Variants in SENP1 observed in about 807,000 individuals in gnomAD.
SENP1 encodes SUMO specific peptidase 1, also known as sentrin-specific protease 1.
Under a neutral mutation model 93.0 loss-of-function variants are expected in SENP1, and 21 were observed. That is an observed-to-expected ratio of 0.23 (90% CI 0.16 to 0.33). The LOEUF (loss-of-function observed/expected upper bound fraction) is 0.33, where lower values mean the gene tolerates loss of function less well. Ranked by LOEUF, SENP1 falls within the 10% of genes least tolerant of loss-of-function variation. SENP1 has a pLI of 1.00. For missense variants in SENP1, 591 were observed against 758.7 expected, an observed-to-expected ratio of 0.78 and a Z score of 2.60; for synonymous variants, 256 against 259.6, an observed-to-expected ratio of 0.99 and a Z score of 0.13.
intron 13 of SENP1, 118 bp from the exon 14 acceptor site, chr12:48,049,250 T>C (rs1941607917): frequency 2.7e-6 from 2 of 737,574 alleles, no homozygotes; most frequent in Non-Finnish European, 4.6e-6. Context: ...AATTAAGTCT[T>C]CAACATCCAA....
intron 13 of SENP1, among the ~76,000 whole-genome samples, chr12:48,056,455 A>T (rs1942373016): frequency 9.2e-6 from 1 of 108,462 alleles, no homozygotes; most frequent in Non-Finnish European, 1.7e-5. Context: ...AATATATTAC[A>T]TATTACATAT....
intron 15 of SENP1, 146 bp downstream of exon 15, chr12:48,047,855 T>G: frequency 1.7e-6 from 1 of 603,546 alleles, no homozygotes; most frequent in East Asian, 2.8e-5. Flanking sequence ...AAACTAAACT[T>G]ACTTAGATAC....
chr12:48,058,731 A>G (rs1309697809), intron 13 of SENP1, among the ~76,000 whole-genome samples: 1 of 152,204 alleles, frequency 6.6e-6, no homozygotes, highest in Non-Finnish European at 1.5e-5. Flanking sequence ...TGAAAAAATG[A>G]GAGCAATTCC....
chr12:48,075,429 T>C lies in SENP1; in HGVS notation c.553-636A>G, dbSNP rs1046828168. Among the ~76,000 whole-genome samples the C allele has an allele frequency of 2.1e-4, 32 of 152,176 alleles. 1 individual carries two copies. Among genetic ancestry groups the C allele is most frequent in the Admixed American group, 6.5e-5 (1 of 15,282 alleles). ...GTCCCAGAAAAAAAGGGCCTCTAAA[T>C]TAGGATTCCAACAAATCCCTTGACT... is the stretch of plus-strand genomic sequence containing the variant. On this transcript the variant is annotated intron_variant, in intron 6 of 17. Coordinates refer to ENST00000549518, the MANE Select transcript of SENP1 (RefSeq NM_001267594.2).
chr12:48,043,507 C>T lies in SENP1; in HGVS notation c.*1815G>A, dbSNP rs1941135250. 6.6e-6 allele frequency: 1 copy of T among 152,538 alleles called. No individual in the cohort carries two copies. The highest frequency in any genetic ancestry group is 1.5e-5 in the Non-Finnish European group (1 of 68,034). The allele number at this position is 152,538 out of a possible 1,614,324, so 9.4% of individuals were successfully genotyped here. A position where few individuals can be genotyped will look rare whatever the true frequency, so the allele number is the denominator to read the frequency against. ...ACCAGACAATATTCCAGGAGTCCTG[C>T]AATGAGACTGCATGCCACAGCTTTC... On this transcript the variant is annotated 3_prime_UTR_variant, in exon 18 of 18. Transcript: ENST00000549518.
At chr12:48,088,243 C>A (rs1456647894) in intron 5 of SENP1, among the ~76,000 whole-genome samples, 4 of 152,084 alleles carry the variant, frequency 2.6e-5, no homozygotes, top group Admixed American at 2.6e-4. Context: ...TTAGTGGAGA[C>A]AGGGTTTCAC....
intron 13 of SENP1, among the ~76,000 whole-genome samples, chr12:48,049,961 T>C (rs1211646435): frequency 2.0e-5 from 3 of 152,210 alleles, no homozygotes; most frequent in Non-Finnish European, 4.4e-5. Context: ...GAAATTACAA[T>C]GGCTGAGTGG....
At chr12:48,046,009 T>G in intron 17 of SENP1, among the ~76,000 whole-genome samples, 1 of 152,104 alleles carries the variant, frequency 6.6e-6, no homozygotes, top group South Asian at 2.1e-4. Flanking sequence ...TATGGCCTAT[T>G]CCCAAACCTG....
chr12:48,077,785 G>A (rs1440092634), intron 6 of SENP1, among the ~76,000 whole-genome samples: 2 of 150,688 alleles, frequency 1.3e-5, no homozygotes, highest in East Asian at 2.0e-4. Context: ...TCTCTATTCC[G>A]TTTCATTGGC....
chr12:48,082,627 G>C (rs180752718), intron 6 of SENP1, among the ~76,000 whole-genome samples: 1 of 152,146 alleles, frequency 6.6e-6, no homozygotes, highest in Non-Finnish European at 1.5e-5. Flanking sequence ...AGCATTAGAC[G>C]TACATTAAAT....
intron 1 of SENP1, among the ~76,000 whole-genome samples, chr12:48,104,271 G>GGGGGGGGGGGGGA (rs1946252782): frequency 1.7e-5 from 1 of 59,714 alleles, no homozygotes; most frequent in African/African-American, 5.5e-5. Flanking sequence ...GGGGGGGGGG[G>GGGGGGGGGGGGGA]GGCGGAGGGA....
intron 13 of SENP1, among the ~76,000 whole-genome samples, chr12:48,057,021 TATAA>T (rs1271911811): frequency 2.1e-5 from 1 of 46,766 alleles, no homozygotes; most frequent in Non-Finnish European, 3.0e-5. Flanking sequence ...ATATTACATA[TATAA>T]ATATATTATT....
chr12:48,045,447 C>T lies in SENP1; in HGVS notation c.1873-63G>A, dbSNP rs1377050864. On this transcript the variant is annotated intron_variant, in intron 17 of 17. Transcript: ENST00000549518. ...TTTGTCTAGACCTGATACGCCTTTC[C>T]CCATACTTCTTTCTTTTGCAAGGTT... The T allele has an allele frequency of 1.1e-5, 15 of 1,352,498 alleles. No homozygotes were observed. The East Asian group carries it at 3.5e-4, about 31-fold the overall frequency. 83.8% of individuals were successfully genotyped at this position (1,352,498 alleles called of 1,614,324 possible).
intron 5 of SENP1, among the ~76,000 whole-genome samples, chr12:48,084,727 T>C (rs532560653): frequency 1.2e-4 from 18 of 152,286 alleles, no homozygotes; most frequent in African/African-American, 4.3e-4. Flanking sequence ...GGATTACACA[T>C]GTGAGCCACA....
At chr12:48,083,303 C>G (rs7963934) in intron 6 of SENP1, among the ~76,000 whole-genome samples, 34,544 of 152,072 alleles carry the variant, frequency 0.23, 4,586 homozygotes, top group East Asian at 0.55. Flanking sequence ...AAGAGAGATA[C>G]TTTGATGTAT....
At chr12:48,051,547 TAC>T (rs1257854741) in intron 13 of SENP1, among the ~76,000 whole-genome samples, 1 of 152,156 alleles carries the variant, frequency 6.6e-6, no homozygotes, top group Non-Finnish European at 1.5e-5. Flanking sequence ...TTTTAGCTAT[TAC>T]ACCATCCAAA....
intron 9 of SENP1, 113 bp from the exon 10 acceptor site, chr12:48,067,078 G>A: frequency 1.4e-6 from 1 of 699,262 alleles, no homozygotes; most frequent in Non-Finnish European, 2.5e-6. Context: ...TGCTTTACAA[G>A]TATGGAATAA....
At chr12:48,091,785 G>C (rs1007215272) in intron 4 of SENP1, among the ~76,000 whole-genome samples, 29 of 151,862 alleles carry the variant, frequency 1.9e-4, no homozygotes, top group African/African-American at 6.8e-4. Flanking sequence ...CTCAAGAGAT[G>C]CTCCCACCTC....
At chr12:48,050,003 C>T (rs556522743) in intron 13 of SENP1, among the ~76,000 whole-genome samples, 11 of 152,288 alleles carry the variant, frequency 7.2e-5, no homozygotes, top group Admixed American at 1.3e-4. Context: ...AATGAAACGA[C>T]ATCTTCTCTA....
Sources: allele counts gnomAD v4.1 joint callset (sites outside exome capture counted in the v4.1 genomes callset), GRCh38; gene constraint gnomAD v4.1.1; transcripts MANE v1.5; gene names NCBI Gene and HGNC (gene_info 2026-07-23, HGNC 2026-07-21).